The following CUX1 variants were observed in gnomAD, a reference collection of about 807,000 sequenced individuals.
CUX1 encodes cut like homeobox 1.
A neutral mutation model predicts 158.8 loss-of-function variants in CUX1; 31 were observed. That is an observed-to-expected ratio of 0.20 (90% CI 0.15 to 0.26). CUX1 has a LOEUF of 0.26. CUX1 is among the 10% of genes least tolerant of loss of function. The probability of loss-of-function intolerance (pLI) is 1.00; values close to 1 mark genes in which losing one functional copy is unlikely to be tolerated. For synonymous variants in CUX1, 879 were observed against 862.1 expected (o/e 1.02, Z -0.34); for missense variants, 1,589 against 2,014.6 (o/e 0.79, Z 4.04).
At chr7:102,111,897 G>C (rs889192674) in intron 7 of CUX1, 123 bp downstream of exon 7, 4 of 769,312 alleles carry the variant, frequency 5.2e-6, no homozygotes, top group Middle Eastern at 3.4e-4. Flanking sequence ...GGGAGCTGCC[G>C]GGAGCCCACG....
rs1554537918 is a variant in CUX1, at chr7:102,248,596, CAGGGAG to C, written c.4076_4081del (p.Gly1359_Glu1360del). 2 of 1,468,558 alleles carry C rather than the reference CAGGGAG, an allele frequency of 1.4e-6. No homozygotes were observed. The highest frequency in any genetic ancestry group is 1.5e-5 in the African/African-American group (1 of 67,090). 91.0% of individuals were successfully genotyped at this position (1,468,558 alleles called of 1,614,324 possible). On this transcript the variant is annotated inframe_deletion, in exon 24 of 24. Transcript: ENST00000292535. This position sits in a 1 kb window ranked among gnomAD's most constrained non-coding sequence, Gnocchi z 5.8. ...CGCCGACACCGAGGAGCCCAAGTCTCAGGGAGAGGCCGAGCGGGAGGAGGTGCCGCG... is the reference window on the plus strand; with the variant it reads ...CGCCGACACCGAGGAGCCCAAGTCTCAGGCCGAGCGGGAGGAGGTGCCGCG...
intron 2 of CUX1, among the ~76,000 whole-genome samples, chr7:102,018,530 C>T (rs1170274765): frequency 6.6e-6 from 1 of 152,178 alleles, no homozygotes; most frequent in African/African-American, 2.4e-5. Flanking sequence ...ATGCCCCTCT[C>T]ACTGGGGTGT....
At chr7:101,959,779 T>C (rs963515271) in intron 2 of CUX1, among the ~76,000 whole-genome samples, 1 of 152,196 alleles carries the variant, frequency 6.6e-6, no homozygotes, top group African/African-American at 2.4e-5. Context: ...GCCTAATTAA[T>C]GGGAAGGTGT....
chr7:102,249,255 C>T lies in CUX1; in HGVS notation c.*213C>T, dbSNP rs1190100617. ...TCCAAGGCCGCGGCCCAGACCCACT[C>T]TGCGGCCCGGGCCGACCCTGCGGCC... On this transcript the variant is annotated 3_prime_UTR_variant, in exon 24 of 24. Coordinates refer to ENST00000292535, the MANE Select transcript of CUX1 (RefSeq NM_181552.4). The T allele has an allele frequency of 9.3e-7, 1 of 1,073,728 alleles. No homozygotes were observed. Among genetic ancestry groups the T allele is most frequent in the East Asian group, 6.0e-5 (1 of 16,782 alleles). 66.5% of individuals were successfully genotyped at this position (1,073,728 alleles called of 1,614,324 possible).
chr7:101,999,002 G>T (rs1441715365), intron 2 of CUX1, among the ~76,000 whole-genome samples: 2 of 152,050 alleles, frequency 1.3e-5, no homozygotes, highest in Admixed American at 1.3e-4. Flanking sequence ...AGCCTAGCTT[G>T]CAGAGGACAG....
At chr7:101,877,388 A>AT (rs1239387272) in intron 1 of CUX1, among the ~76,000 whole-genome samples, 1 of 152,024 alleles carries the variant, frequency 6.6e-6, no homozygotes, top group Non-Finnish European at 1.5e-5. Flanking sequence ...GTGGCTTTTT[A>AT]TTTTTTAAAA....
intron 2 of CUX1, among the ~76,000 whole-genome samples, chr7:101,953,219 A>G (rs1175370589): frequency 6.6e-6 from 1 of 152,010 alleles, no homozygotes; most frequent in Non-Finnish European, 1.5e-5. Context: ...GGAAATTGTG[A>G]CTCATCTTGT....
chr7:102,013,172 G>A (rs1034784993), intron 2 of CUX1, among the ~76,000 whole-genome samples: 2 of 149,750 alleles, frequency 1.3e-5, no homozygotes, highest in Admixed American at 6.7e-5. Flanking sequence ...TGACGTTACT[G>A]TCTTTGGACA....
intron 1 of CUX1, among the ~76,000 whole-genome samples, chr7:101,914,454 C>T (rs1374151666): frequency 7.2e-6 from 1 of 139,214 alleles, no homozygotes; most frequent in African/African-American, 2.7e-5. Context: ...CTCCGTCCTT[C>T]CCTCCTTCCT....
chr7:102,233,247 G>C (rs1331620313), intron 21 of CUX1, among the ~76,000 whole-genome samples: 1 of 145,236 alleles, frequency 6.9e-6, no homozygotes, highest in African/African-American at 2.6e-5. Context: ...GTGCAGTGGT[G>C]CAATCATAGC....
At chr7:101,971,343 G>A (rs1050655707) in intron 2 of CUX1, among the ~76,000 whole-genome samples, 7 of 152,272 alleles carry the variant, frequency 4.6e-5, no homozygotes, top group Admixed American at 1.3e-4. Context: ...GAGTGGGAAC[G>A]AAGAGGAAAG....
At chr7:102,022,087 C>G (rs549536880) in intron 2 of CUX1, among the ~76,000 whole-genome samples, 1 of 152,060 alleles carries the variant, frequency 6.6e-6, no homozygotes, top group African/African-American at 2.4e-5. Context: ...ATTGGGAGCA[C>G]GAGGCCCTAA....
chr7:102,247,986 C>T (rs1800996460), intron 23 of CUX1, among the ~76,000 whole-genome samples: 1 of 152,062 alleles, frequency 6.6e-6, no homozygotes, highest in Non-Finnish European at 1.5e-5. Context: ...CAAAAATTAG[C>T]TGGATGTGGT....
chr7:102,222,468 A>G (rs1586303859), intron 20 of CUX1, among the ~76,000 whole-genome samples: 1 of 152,050 alleles, frequency 6.6e-6, no homozygotes, highest in East Asian at 1.9e-4. Context: ...CCTGGGATGT[A>G]GGGTGTAAAT....
chr7:101,875,503 C>T (rs1799035106), intron 1 of CUX1, among the ~76,000 whole-genome samples: 1 of 152,144 alleles, frequency 6.6e-6, no homozygotes, highest in Non-Finnish European at 1.5e-5. Flanking sequence ...ACTGTTTGTG[C>T]CAAACAGTGA....
intron 3 of CUX1, among the ~76,000 whole-genome samples, chr7:102,053,887 C>T (rs1269662749): frequency 1.3e-5 from 2 of 149,458 alleles, no homozygotes; most frequent in Non-Finnish European, 3.0e-5. Flanking sequence ...CTCACTGCAA[C>T]CTGTGCCTCC....
intron 2 of CUX1, among the ~76,000 whole-genome samples, chr7:102,026,807 G>A (rs994593640): frequency 8.1e-5 from 10 of 122,898 alleles, no homozygotes; most frequent in Admixed American, 4.6e-4. Context: ...GCAACAGTGA[G>A]ACTCCGTCTT....
At chr7:101,994,926 CAAAAA>C (rs796784920) in intron 2 of CUX1, among the ~76,000 whole-genome samples, 2 of 47,666 alleles carry the variant, frequency 4.2e-5, no homozygotes, top group African/African-American at 1.6e-4. Flanking sequence ...CTCATCTCTA[CAAAAA>C]AAAAAAAAAA....
Position 102,043,323 on chromosome 7 carries a change from CTGTGTGTGTGTGTGTGTG to C in CUX1, c.189+15208_189+15225del, listed in dbSNP as rs57276921. On this transcript the variant is annotated intron_variant, in intron 3 of 23. Coordinates refer to ENST00000292535, the MANE Select transcript of CUX1 (RefSeq NM_181552.4). ...ATCTGACAACATACCCATTAGCTCA[CTGTGTGTGTGTGTGTGTG>C]TGTGTGTGTGTGTGTGTGTGTGTGT... Among the ~76,000 whole-genome samples, 53 of 139,154 alleles carry C rather than the reference CTGTGTGTGTGTGTGTGTG, an allele frequency of 3.8e-4. No individual in the cohort carries two copies. The South Asian group carries it at 8.7e-3, about 23-fold the overall frequency. 91.3% of individuals were successfully genotyped at this position (139,154 alleles called of 152,430 possible). A position where few individuals can be genotyped will look rare whatever the true frequency, so the allele number is the denominator to read the frequency against.
Sources: gnomAD v4.1 joint callset for allele counts (sites outside exome capture counted in the v4.1 genomes callset) on GRCh38, gnomAD v4.1.1 for gene constraint, Gnocchi (gnomAD v3.1) non-coding constraint, MANE v1.5 for transcripts, NCBI Gene and HGNC (gene_info 2026-07-23, HGNC 2026-07-21) for gene names.